HDHD2: variants seen among roughly 807,000 people sequenced by gnomAD.
HDHD2 encodes the protein haloacid dehalogenase-like hydrolase domain-containing protein 2.
Under a neutral mutation model 24.8 loss-of-function variants are expected in HDHD2, and 26 were observed. That is an observed-to-expected ratio of 1.05 (90% CI 0.77 to 1.45). The LOEUF is 1.45. Ranked by LOEUF, HDHD2 falls within the 40% of genes most tolerant of loss-of-function variation. The pLI is 0.00. For synonymous variants in HDHD2, 128 were observed against 114.9 expected, an observed-to-expected ratio of 1.11 and a Z score of -0.73; for missense variants, 299 against 313.4, an observed-to-expected ratio of 0.95 and a Z score of 0.35.
intron 4 of HDHD2, among the ~76,000 whole-genome samples, chr18:47,127,710 CAAAA>C (rs1235418525): frequency 3.2e-5 from 2 of 62,490 alleles, no homozygotes; most frequent in East Asian, 5.4e-4. Flanking sequence ...GACTTGGTCT[CAAAA>C]AAAAAAAAAA....
intron 1 of HDHD2, among the ~76,000 whole-genome samples, chr18:47,141,906 TG>T (rs1335328945): frequency 1.3e-5 from 2 of 152,230 alleles, no homozygotes; most frequent in Non-Finnish European, 2.9e-5. Context: ...GGGAGGTAAT[TG>T]AATCATGGGG....
In HDHD2 at chr18:47,134,680, A is replaced by G; in HGVS notation, c.126T>C (p.Ile42=). Residue 42 remains isoleucine, a synonymous_variant, in exon 3 of 7, where the codon ATT becomes ATC. Transcript: ENST00000300605. The part of the protein sequence containing the change: ...LKRLRGASVI[I]RFVTNTTKES... The stretch of plus-strand genomic sequence containing the variant: ...CTTTGGTTGTATTGGTCACAAACCT[A>G]ATGATTACAGAAGCACCACGTAACC... 6.2e-7 allele frequency: 1 copy of G among 1,614,158 alleles called. No homozygotes were observed. Among genetic ancestry groups the G allele is most frequent in the South Asian group, 1.1e-5 (1 of 91,082 alleles).
chr18:47,122,336 G>C (rs1419725952), intron 4 of HDHD2, among the ~76,000 whole-genome samples: 1 of 152,126 alleles, frequency 6.6e-6, no homozygotes, highest in Non-Finnish European at 1.5e-5. Context: ...GGGCTTTTCA[G>C]CACTATTTTA....
At chr18:47,130,353 T>A (rs773600390) in intron 3 of HDHD2, 25 bp from the exon 4 acceptor site, 1 of 1,460,802 alleles carries the variant, frequency 6.8e-7, no homozygotes, top group Non-Finnish European at 9.4e-7. Context: ...AAAAAATGAT[T>A]GTTGCAAATG....
At position 47,134,508 on chromosome 18, in the gene HDHD2, G is replaced by A. The variant is rs1404366844; in HGVS notation, c.298C>T (p.Pro100Ser). The A allele has an allele frequency of 1.9e-6, 3 of 1,613,460 alleles. No homozygotes were observed. Among genetic ancestry groups the A allele is most frequent in the Non-Finnish European group, 1.7e-6 (2 of 1,179,498 alleles). Reference sequence around the variant, plus strand: ...AAATTTCCCCTACCTTTGAAATCAGGTAGTGCCCGATCATCAACTAGCAGC... The same window carrying A: ...AAATTTCCCCTACCTTTGAAATCAGATAGTGCCCGATCATCAACTAGCAGC... The part of the protein sequence containing the change: ...PMLLVDDRAL[P>S]DFKGIQTSDP... The change falls in exon 3 of 7, where the codon CCT (proline) becomes TCT (serine). Residue 100 changes from proline (P) to serine (S), a missense_variant. Physicochemically the swap from Pro to Ser is moderately conservative, Grantham distance 74 (BLOSUM62 -1). Coordinates refer to ENST00000300605, the MANE Select transcript of HDHD2 (RefSeq NM_032124.5).
At position 47,149,640 on chromosome 18, in the gene HDHD2, C is replaced by T. The variant is rs149412459; in HGVS notation, c.-11+738G>A. Among the ~76,000 whole-genome samples the T allele has an allele frequency of 8.8e-3, 1,346 of 152,178 alleles. 11 individuals carry two copies. The highest frequency in any genetic ancestry group is 0.013 in the Non-Finnish European group (907 of 68,002). ...ACTTTTGTCTGCAACTACTCGGGCCCCTCTACACCCTCATCTCCTGGCCAA... is the reference window on the plus strand; with the variant it reads ...ACTTTTGTCTGCAACTACTCGGGCCTCTCTACACCCTCATCTCCTGGCCAA... On this transcript the variant is annotated intron_variant, in intron 1 of 6. Coordinates refer to ENST00000300605, the MANE Select transcript of HDHD2 (RefSeq NM_032124.5).
chr18:47,132,362 T>C (rs891553231), intron 3 of HDHD2, among the ~76,000 whole-genome samples: 5 of 152,220 alleles, frequency 3.3e-5, no homozygotes, highest in Non-Finnish European at 7.3e-5. Flanking sequence ...ATATTTGGGT[T>C]GTTTCCAATC....
intron 4 of HDHD2, among the ~76,000 whole-genome samples, chr18:47,118,647 T>C (rs2063577187): frequency 6.6e-6 from 1 of 152,146 alleles, no homozygotes; most frequent in Non-Finnish European, 1.5e-5. Flanking sequence ...ACCTAGGTGA[T>C]GGGTTGATAG....
chr18:47,116,077 C>T (rs565342607), intron 4 of HDHD2, among the ~76,000 whole-genome samples: 9 of 152,226 alleles, frequency 5.9e-5, no homozygotes, highest in Admixed American at 4.6e-4. Context: ...CTACCTATAG[C>T]TAAGAATCCT....
At chr18:47,134,966 G>C (rs2063750105) in intron 2 of HDHD2, among the ~76,000 whole-genome samples, 1 of 152,158 alleles carries the variant, frequency 6.6e-6, no homozygotes, top group Non-Finnish European at 1.5e-5. Context: ...TCCAACAAGA[G>C]CACACTGATT....
At chr18:47,115,097 T>G in intron 5 of HDHD2, 35 bp downstream of exon 5, 13 of 1,512,586 alleles carry the variant, frequency 8.6e-6, no homozygotes, top group South Asian at 1.1e-5. Flanking sequence ...GCACAACAGG[T>G]GAGCTGGGAG....
At position 47,142,454 on chromosome 18, in the gene HDHD2, C is replaced by A. The variant is rs576227702; in HGVS notation, c.-10-6005G>T. Among the ~76,000 whole-genome samples the A allele has an allele frequency of 1.4e-4, 21 of 152,126 alleles. 1 individual carries two copies. The South Asian group carries it at 3.1e-3, about 23-fold the overall frequency. On this transcript the variant is annotated intron_variant, in intron 1 of 6. Transcript: ENST00000300605. ...CTACTGGAGAAGAGTGGCAAAAAAA[C>A]CCCAAAAAACCCTAAAACCAGCAAG...
At chr18:47,147,974 A>G (rs1274129536) in intron 1 of HDHD2, among the ~76,000 whole-genome samples, 1 of 147,042 alleles carries the variant, frequency 6.8e-6, no homozygotes, top group Non-Finnish European at 1.5e-5. Context: ...CTTGTCCAAA[A>G]CTTTGTTTTT....
At chr18:47,124,777 A>G (rs780696758) in intron 4 of HDHD2, among the ~76,000 whole-genome samples, 1 of 152,024 alleles carries the variant, frequency 6.6e-6, no homozygotes, top group Non-Finnish European at 1.5e-5. Flanking sequence ...AGAAAACGTA[A>G]AAGATTTGAA....
At chr18:47,114,332 A>C (rs1243232224) in intron 5 of HDHD2, among the ~76,000 whole-genome samples, 1 of 152,218 alleles carries the variant, frequency 6.6e-6, no homozygotes, top group Non-Finnish European at 1.5e-5. Context: ...TGTGCTACTA[A>C]TTAGCTATGG....
In HDHD2 at chr18:47,113,032, C is replaced by T. The variant is rs767344621; in HGVS notation, c.621G>A (p.Arg207=). The T allele has an allele frequency of 6.2e-7, 1 of 1,613,962 alleles. No individual in the cohort carries two copies. The highest frequency in any genetic ancestry group is 1.1e-5 in the South Asian group (1 of 91,066). The part of the protein sequence containing the change: ...EEAVMIGDDC[R]DDVGGAQDVG... ...CATCTTGAGCCCCACCAACATCATC[C>T]CTGCAATCCTAGAAAAGCATAAAGA... Residue 207 remains arginine (R), a synonymous_variant, in exon 6 of 7, where the codon AGG becomes AGA. Transcript: ENST00000300605.
intron 6 of HDHD2, chr18:47,111,673 G>C (rs1443964141): frequency 1.4e-5 from 14 of 985,228 alleles, no homozygotes; most frequent in Non-Finnish European, 1.7e-5. Flanking sequence ...TATCTGCAAG[G>C]CTCCAATGGT....
Position 47,136,450 on chromosome 18 carries a change from C to A in HDHD2, c.-10-1G>T. The A allele has an allele frequency of 6.2e-7, 1 of 1,610,660 alleles. No homozygotes were observed. The highest frequency in any genetic ancestry group is 8.5e-7 in the Non-Finnish European group (1 of 1,179,186). ...ACGGCATGCTGCCATCCTTCATTCC[C>A]TAGGAGAGAGCAAATGAAATTAAAA... On this transcript the variant is annotated splice_acceptor_variant, in intron 1 of 6. Coordinates refer to ENST00000300605, the MANE Select transcript of HDHD2 (RefSeq NM_032124.5). LOFTEE classifies it low-confidence loss of function (5UTR_SPLICE).
intron 4 of HDHD2, among the ~76,000 whole-genome samples, chr18:47,129,744 A>C (rs2063694200): frequency 6.6e-6 from 1 of 152,174 alleles, no homozygotes; most frequent in South Asian, 2.1e-4. Flanking sequence ...GGAGATTAGC[A>C]TAGTCAGTAG....
Sources: allele counts gnomAD v4.1 joint callset (sites outside exome capture counted in the v4.1 genomes callset), GRCh38; gene constraint gnomAD v4.1.1; transcripts MANE v1.5; gene names NCBI Gene and HGNC (gene_info 2026-07-23, HGNC 2026-07-21).